SPTA1: variants seen among roughly 807,000 people sequenced by gnomAD.
SPTA1 encodes the protein spectrin alpha, erythrocytic 1.
Under a neutral mutation model 324.7 loss-of-function variants are expected in SPTA1, and 177 were observed. The ratio of observed to expected loss-of-function variants is 0.55; its 90% CI spans 0.48 to 0.62. The LOEUF (loss-of-function observed/expected upper bound fraction) is 0.62, where lower values mean the gene tolerates loss of function less well. Among genes scored for constraint, SPTA1 ranks in the 20% least tolerant of loss-of-function variants. The probability of loss-of-function intolerance (pLI) is 0.00; values close to 1 mark genes in which losing one functional copy is unlikely to be tolerated. For missense variants in SPTA1, 3,162 were observed against 2,883.6 expected (o/e 1.10, Z -2.21); for synonymous variants, 1,195 against 1,041.3 (o/e 1.15, Z -2.84).
At chr1:158,637,921 T>A in intron 36 of SPTA1, 112 bp downstream of exon 36, 1 of 1,223,234 alleles carries the variant, frequency 8.2e-7, no homozygotes, top group Non-Finnish European at 1.2e-6. Flanking sequence ...CATGAAGTAG[T>A]GCTATCTTCA....
At position 158,661,378 on chromosome 1, in the gene SPTA1, C is replaced by A. The variant is rs763129959; in HGVS notation, c.2496G>T (p.Leu832=). Reference sequence around the variant, plus strand: ...TCTCCAGGATGACTCTATGCCTATTCAGAAGCTTTTTGGAAGCAATCAGGT... The same window carrying A: ...TCTCCAGGATGACTCTATGCCTATTAAGAAGCTTTTTGGAAGCAATCAGGT... ...GKDLIASKKL[L]NRHRVILENI... Residue 832 remains leucine (L), a synonymous_variant, in exon 18 of 52, where the codon CTG becomes CTT. Transcript: ENST00000643759. The A allele has an allele frequency of 6.2e-7, 1 of 1,613,912 alleles. No homozygotes were observed. Among genetic ancestry groups the A allele is most frequent in the Admixed American group, 1.7e-5 (1 of 60,006 alleles).
chr1:158,616,568 T>C (rs895619676), intron 47 of SPTA1, among the ~76,000 whole-genome samples: 1 of 152,214 alleles, frequency 6.6e-6, no homozygotes, highest in African/African-American at 2.4e-5. Flanking sequence ...TCCATGTTAC[T>C]GAAAATGTCA....
intron 51 of SPTA1, 63 bp from the exon 52 acceptor site, chr1:158,611,452 C>T: frequency 6.3e-7 from 1 of 1,598,562 alleles, no homozygotes; most frequent in Non-Finnish European, 8.6e-7. Context: ...TTCCTTGGGG[C>T]TTCCCATATT....
chr1:158,638,745 CAAAAAAAAAAAAA>C (rs34072412), intron 35 of SPTA1, among the ~76,000 whole-genome samples: 1 of 92,214 alleles, frequency 1.1e-5, no homozygotes, highest in Non-Finnish European at 2.1e-5. Context: ...GAGCTGGTAC[CAAAAAAAAAAAAA>C]AAAAAAAAGG....
rs1298275510 is a variant in SPTA1 at position 158,639,696 on chromosome 1, G to C, written c.4876-10C>G. The C allele has an allele frequency of 2.5e-6, 4 of 1,613,674 alleles. No individual in the cohort carries two copies. The African/African-American group carries it at 5.3e-5, about 22-fold the overall frequency. The stretch of plus-strand genomic sequence containing the variant: ...CCAGCAATGTCTCTGCCTGGAAATA[G>C]AGAAATAAGCAATAAAGCTGCCAGG... On this transcript the variant is annotated splice_polypyrimidine_tract_variant and intron_variant, in intron 34 of 51. Transcript: ENST00000643759.
chr1:158,636,387 C>A (rs932479819), intron 37 of SPTA1, among the ~76,000 whole-genome samples: 2 of 152,162 alleles, frequency 1.3e-5, no homozygotes, highest in African/African-American at 4.8e-5. Flanking sequence ...CAACCTGCAT[C>A]CCAATTGTCA....
chr1:158,681,854 T>C (rs369277709), intron 3 of SPTA1, among the ~76,000 whole-genome samples, 187 bp from the exon 4 acceptor site: 51 of 152,252 alleles, frequency 3.3e-4, no homozygotes, highest in African/African-American at 1.1e-3. Context: ...CCAAGCCAAA[T>C]GCGATCTTAC....
chr1:158,629,052 A>G (rs1401622862), intron 39 of SPTA1, among the ~76,000 whole-genome samples: 1 of 152,002 alleles, frequency 6.6e-6, no homozygotes, highest in Non-Finnish European at 1.5e-5. Context: ...AAGAGGAGGG[A>G]ACATTTCTAA....
chr1:158,678,177 A>G (rs1654528255), intron 6 of SPTA1, among the ~76,000 whole-genome samples: 1 of 151,946 alleles, frequency 6.6e-6, no homozygotes, highest in Non-Finnish European at 1.5e-5. Context: ...TACCAATGCT[A>G]CTTTTTTAGT....
At chr1:158,674,794 G>A in intron 8 of SPTA1, 119 bp from the exon 9 acceptor site, 3 of 1,387,266 alleles carry the variant, frequency 2.2e-6, no homozygotes, top group Non-Finnish European at 2.0e-6. Flanking sequence ...CTAATCCTAG[G>A]TTCCCTTTTT....
chr1:158,652,943 C>T (rs1003281891), intron 22 of SPTA1, among the ~76,000 whole-genome samples: 1 of 152,124 alleles, frequency 6.6e-6, no homozygotes, highest in Non-Finnish European at 1.5e-5. Context: ...TACATGGTAA[C>T]TGACAATTGG....
intron 5 of SPTA1, among the ~76,000 whole-genome samples, chr1:158,678,916 T>C (rs1654596892): frequency 2.0e-5 from 3 of 152,144 alleles, no homozygotes; most frequent in African/African-American, 7.2e-5. Context: ...CAAAGACTAG[T>C]GCTGTGGGTC....
chr1:158,645,393 A>G lies in SPTA1; in HGVS notation c.3997-8T>C, dbSNP rs768253150. The stretch of plus-strand genomic sequence containing the variant: ...CATGTCAGCACGGTGCTCCTGTGGG[A>G]AAAAGGGGGAAGAAATCAGTGAGGC... On this transcript the variant is annotated splice_region_variant and splice_polypyrimidine_tract_variant and intron_variant, in intron 28 of 51. Transcript: ENST00000643759. 6.2e-7 allele frequency: 1 copy of G among 1,613,810 alleles called. No homozygotes were observed. The highest frequency in any genetic ancestry group is 1.1e-5 in the South Asian group (1 of 91,082).
chr1:158,638,509 T>C (rs763788448), intron 35 of SPTA1, among the ~76,000 whole-genome samples: 14 of 152,052 alleles, frequency 9.2e-5, no homozygotes, highest in Non-Finnish European at 1.0e-4. Context: ...AGTATTTGCC[T>C]TCTCTCCCCA....
At chr1:158,629,105 C>G (rs187978728) in intron 39 of SPTA1, among the ~76,000 whole-genome samples, 4 of 151,378 alleles carry the variant, frequency 2.6e-5, no homozygotes, top group Non-Finnish European at 5.9e-5. Context: ...CAAAGCCAGG[C>G]GATAATTCTC....
At chr1:158,665,122 T>C (rs1393062026) in intron 16 of SPTA1, among the ~76,000 whole-genome samples, 2 of 152,182 alleles carry the variant, frequency 1.3e-5, no homozygotes, top group African/African-American at 2.4e-5. Flanking sequence ...CCAAATGGTG[T>C]CACACACTCC....
chr1:158,649,713 T>C lies in SPTA1; in HGVS notation c.3569+143A>G, dbSNP rs544645664. ...CCTGTTTGTGAAGTGAGAATCATACTACTAAAAAACCTAATTTTCTATTGG... is the reference window on the plus strand; with the variant it reads ...CCTGTTTGTGAAGTGAGAATCATACCACTAAAAAACCTAATTTTCTATTGG... On this transcript the variant is annotated intron_variant, in intron 25 of 51. Transcript: ENST00000643759. 3.7e-5 allele frequency: 26 copies of C among 710,056 alleles called. No homozygotes were observed. The African/African-American group carries it at 4.3e-4, about 12-fold the overall frequency. 44.0% of individuals were successfully genotyped at this position (710,056 alleles called of 1,614,324 possible).
At position 158,626,916 on chromosome 1, in the gene SPTA1, G is replaced by A; in HGVS notation, c.5756C>T (p.Ala1919Val). The change falls in exon 41 of 52, where the codon GCT becomes GTT. Residue 1919 changes from alanine (A) to valine (V), a missense_variant. Coordinates refer to ENST00000643759, the MANE Select transcript of SPTA1 (RefSeq NM_003126.4). ...ATCGTCTTCCAATTGCAACTTCCAA[G>A]CAGCTATTGCCTTAGCCAGAGAAGG... The part of the protein sequence containing the change: ...KTPSLAKAIA[A>V]WKLQLEDDYA... The A allele has an allele frequency of 6.2e-7, 1 of 1,613,928 alleles. No individual in the cohort carries two copies. The highest frequency in any genetic ancestry group is 8.5e-7 in the Non-Finnish European group (1 of 1,179,860).
In SPTA1 at chr1:158,619,074, C is replaced by A. The variant is rs1399345858; in HGVS notation, c.6530+148G>T. On this transcript the variant is annotated intron_variant, in intron 45 of 51. Coordinates refer to ENST00000643759, the MANE Select transcript of SPTA1 (RefSeq NM_003126.4). ...GAATTGATTCAGAAAACAGTCAACTCCAAATATAAAGCATAGGCAAGATAT... is the reference window on the plus strand; with the variant it reads ...GAATTGATTCAGAAAACAGTCAACTACAAATATAAAGCATAGGCAAGATAT... 7 of 795,970 alleles carry A rather than the reference C, an allele frequency of 8.8e-6. No homozygotes were observed. The East Asian group carries it at 1.3e-4, about 15-fold the overall frequency. 49.3% of individuals were successfully genotyped at this position (795,970 alleles called of 1,614,324 possible).
Sources: gnomAD v4.1 joint callset for allele counts (sites outside exome capture counted in the v4.1 genomes callset) on GRCh38, gnomAD v4.1.1 for gene constraint, MANE v1.5 for transcripts, NCBI Gene and HGNC (gene_info 2026-07-23, HGNC 2026-07-21) for gene names.